The following TMEM185A variants were observed in gnomAD, a reference collection of about 807,000 sequenced individuals.
TMEM185A encodes the protein transmembrane protein 185A.
A neutral mutation model predicts 25.0 loss-of-function variants in TMEM185A; 9 were observed. That is an observed-to-expected ratio of 0.36 (90% confidence interval 0.22 to 0.63). TMEM185A has a LOEUF of 0.63. Ranked by LOEUF, TMEM185A falls within the 20% of genes least tolerant of loss-of-function variation. The probability of loss-of-function intolerance (pLI) is 0.68; values close to 1 mark genes in which losing one functional copy is unlikely to be tolerated. For missense variants in TMEM185A, 103 were observed against 237.4 expected (o/e 0.43, Z 3.72); for synonymous variants, 45 against 93.5 (o/e 0.48, Z 2.99).
chrX:149,609,255 T>C (rs1557354144), intron 2 of TMEM185A, among the ~76,000 whole-genome samples: 1 of 112,636 alleles, frequency 8.9e-6, no homozygotes, highest in Non-Finnish European at 1.9e-5. Flanking sequence ...ATGATCCTCA[T>C]TTTTCAAGAA....
intron 1 of TMEM185A, among the ~76,000 whole-genome samples, chrX:149,618,876 A>G (rs1352135757): frequency 1.8e-5 from 2 of 112,194 alleles, no homozygotes; most frequent in Admixed American, 1.9e-4. Flanking sequence ...CTAGATTCTA[A>G]TATCTATATT....
At chrX:149,602,320 T>C (rs781897563) in intron 4 of TMEM185A, 3 of 112,403 alleles carry the variant, frequency 2.7e-5, no homozygotes, top group Non-Finnish European at 5.6e-5. Flanking sequence ...TCTGCCTAAT[T>C]GCAAACCCCA....
At chrX:149,605,659 C>T (rs1207114773) in intron 3 of TMEM185A, among the ~76,000 whole-genome samples, 1 of 112,415 alleles carries the variant, frequency 8.9e-6, no homozygotes, top group African/African-American at 3.2e-5. Flanking sequence ...TTTTCCCACA[C>T]TGTCACGTTC....
intron 3 of TMEM185A, among the ~76,000 whole-genome samples, chrX:149,604,429 G>A (rs1322472398): frequency 4.5e-5 from 5 of 111,635 alleles, no homozygotes; most frequent in Non-Finnish European, 7.5e-5. Context: ...AACCATCCTT[G>A]TGCATCCTTC....
intron 1 of TMEM185A, among the ~76,000 whole-genome samples, chrX:149,630,273 T>C: frequency 9.0e-6 from 1 of 111,463 alleles, no homozygotes; most frequent in Non-Finnish European, 1.9e-5. Flanking sequence ...AGTTAAAATG[T>C]CACCATCCCT....
At chrX:149,604,175 A>AC in intron 3 of TMEM185A, 105 bp from the exon 4 acceptor site, 1 of 522,561 alleles carries the variant, frequency 1.9e-6, no homozygotes, top group Non-Finnish European at 3.2e-6. Flanking sequence ...AATACAGTGT[A>AC]ACTTGTATAA....
intron 2 of TMEM185A, among the ~76,000 whole-genome samples, chrX:149,609,388 G>A (rs1346921015): frequency 1.8e-5 from 2 of 112,693 alleles, no homozygotes; most frequent in African/African-American, 6.4e-5. Flanking sequence ...CAAATAAAAC[G>A]TATAAATGAT....
chrX:149,630,204 T>C (rs1465708700), intron 1 of TMEM185A, among the ~76,000 whole-genome samples: 1 of 111,771 alleles, frequency 8.9e-6, no homozygotes, highest in African/African-American at 3.3e-5. Flanking sequence ...CTGGCACTCC[T>C]AACCAGAACA....
In TMEM185A at chrX:149,611,583, T is replaced by C. The variant is rs2090084112; in HGVS notation, c.39-120A>G. On this transcript the variant is annotated intron_variant, in intron 1 of 6. Transcript: ENST00000600449. The stretch of plus-strand genomic sequence containing the variant: ...AAAGGAGTCACTAACTCAATAATCA[T>C]TTATTGAAAAGGTCTATGGGGCAGA... 4.6e-6 allele frequency: 3 copies of C among 655,230 alleles called. No individual in the cohort carries two copies. In the East Asian group the frequency reaches 1.0e-4, roughly 22 times the overall value. The allele number at this position is 655,230 out of a possible 1,213,427, so 54.0% of individuals were successfully genotyped here.
At chrX:149,622,572 G>C (rs2090144530) in intron 1 of TMEM185A, among the ~76,000 whole-genome samples, 1 of 111,997 alleles carries the variant, frequency 8.9e-6, no homozygotes, top group African/African-American at 3.2e-5. Flanking sequence ...TTTTTCCAGG[G>C]AGAAAAAAAG....
intron 1 of TMEM185A, among the ~76,000 whole-genome samples, chrX:149,614,539 G>A (rs2090101210): frequency 9.0e-6 from 1 of 110,844 alleles, no homozygotes; most frequent in African/African-American, 3.3e-5. Flanking sequence ...GTAAGAAACG[G>A]AAGGAAATTT....
intron 1 of TMEM185A, among the ~76,000 whole-genome samples, chrX:149,618,273 A>G (rs5980492): frequency 0.07 from 7,828 of 111,180 alleles, 220 homozygotes; most frequent in Middle Eastern, 0.12. Context: ...CTGTTTTTGT[A>G]CTATGAAAAA....
intron 4 of TMEM185A, among the ~76,000 whole-genome samples, chrX:149,603,204 T>C (rs1315757011): frequency 8.9e-6 from 1 of 111,947 alleles, no homozygotes; most frequent in African/African-American, 3.3e-5. Context: ...TATTCACAGT[T>C]AATTTCAACC....
intron 1 of TMEM185A, among the ~76,000 whole-genome samples, chrX:149,625,777 A>T (rs1952505326): frequency 8.9e-6 from 1 of 112,891 alleles, no homozygotes; most frequent in Admixed American, 9.3e-5. Context: ...CCAGATGAGT[A>T]ACAAGGAGTA....
At chrX:149,619,312 G>A (rs2090126967) in intron 1 of TMEM185A, among the ~76,000 whole-genome samples, 1 of 111,292 alleles carries the variant, frequency 9.0e-6, no homozygotes, top group South Asian at 3.8e-4. Context: ...TTAATTACTG[G>A]GAGGTTGTCA....
intron 1 of TMEM185A, among the ~76,000 whole-genome samples, chrX:149,615,139 T>C (rs2090103643): frequency 8.9e-6 from 1 of 112,210 alleles, no homozygotes; most frequent in Non-Finnish European, 1.9e-5. Flanking sequence ...TAGGTGTGGT[T>C]TAGCTAGGAT....
At chrX:149,615,747 T>C (rs988398441) in intron 1 of TMEM185A, among the ~76,000 whole-genome samples, 4 of 112,491 alleles carry the variant, frequency 3.6e-5, no homozygotes, top group Admixed American at 1.9e-4. Context: ...TAAAAGTTTA[T>C]GAAAAAATCC....
intron 1 of TMEM185A, among the ~76,000 whole-genome samples, chrX:149,617,532 T>C (rs1177353211): frequency 9.0e-6 from 1 of 111,195 alleles, no homozygotes; most frequent in Non-Finnish European, 1.9e-5. Context: ...AAAACGACAA[T>C]GAGATAAGAT....
chrX:149,623,621 GA>G (rs374915115), intron 1 of TMEM185A, among the ~76,000 whole-genome samples: 11,983 of 93,430 alleles, frequency 0.13, 1,667 homozygotes, highest in African/African-American at 0.41. Context: ...AGAAAACAAA[GA>G]AAAAAAAAAA....
Sources: allele counts gnomAD v4.1 joint callset (sites outside exome capture counted in the v4.1 genomes callset), GRCh38; gene constraint gnomAD v4.1.1; transcripts MANE v1.5; gene names NCBI Gene and HGNC (gene_info 2026-07-23, HGNC 2026-07-21).